The following GRM5 variants were observed in gnomAD, a reference collection of about 807,000 sequenced individuals.
GRM5 encodes glutamate metabotropic receptor 5, also known as metabotropic glutamate receptor 5.
Under a neutral mutation model 83.1 loss-of-function variants are expected in GRM5, and 19 were observed. The ratio of observed to expected loss-of-function variants is 0.23; its 90% confidence interval spans 0.16 to 0.34. GRM5 has a LOEUF of 0.34. Among genes scored for constraint, GRM5 ranks in the 10% least tolerant of loss-of-function variants. The pLI is 1.00. For missense variants in GRM5, 1,160 were observed against 1,588.3 expected (o/e 0.73, Z 4.58); for synonymous variants, 675 against 633.6 (o/e 1.07, Z -0.98).
chr11:88,869,008 T>C (rs1281599765), intron 2 of GRM5, among the ~76,000 whole-genome samples: 1 of 151,760 alleles, frequency 6.6e-6, no homozygotes, highest in East Asian at 1.9e-4. Flanking sequence ...TCTGCTGTTT[T>C]CCTTCCACAC....
At chr11:88,668,295 T>TCG (rs749984270) in intron 3 of GRM5, among the ~76,000 whole-genome samples, 1 of 81,758 alleles carries the variant, frequency 1.2e-5, no homozygotes, top group Non-Finnish European at 2.2e-5. Context: ...CCCCAGAAAC[T>TCG]CGCACACACA....
chr11:89,002,582 C>A (rs1354008873), intron 2 of GRM5, among the ~76,000 whole-genome samples: 1 of 152,120 alleles, frequency 6.6e-6, no homozygotes, highest in Non-Finnish European at 1.5e-5. Context: ...ATGTTATCTG[C>A]AACAAGGGCA....
intron 7 of GRM5, among the ~76,000 whole-genome samples, chr11:88,576,775 AT>A (rs2135186930): frequency 6.6e-6 from 1 of 152,296 alleles, no homozygotes; most frequent in Non-Finnish European, 1.5e-5. Context: ...TTTGTATTTT[AT>A]TGAAATAAAA....
intron 8 of GRM5, among the ~76,000 whole-genome samples, chr11:88,540,446 T>C (rs1942240549): frequency 2.6e-5 from 4 of 152,106 alleles, no homozygotes; most frequent in Non-Finnish European, 5.9e-5. Flanking sequence ...ATGTTTCTTT[T>C]GCCTATATAC....
At chr11:88,555,212 T>C (rs1172175006) in intron 8 of GRM5, among the ~76,000 whole-genome samples, 1 of 152,164 alleles carries the variant, frequency 6.6e-6, no homozygotes, top group Non-Finnish European at 1.5e-5. Context: ...AAGTCCATTG[T>C]TCTCAAAGTG....
chr11:88,681,363 A>G (rs1940482013), intron 3 of GRM5, among the ~76,000 whole-genome samples: 3 of 151,920 alleles, frequency 2.0e-5, no homozygotes, highest in African/African-American at 7.2e-5. Flanking sequence ...TTGCTTTGTT[A>G]AATGCTAACA....
chr11:88,635,755 C>T (rs76062687), intron 4 of GRM5, among the ~76,000 whole-genome samples: 3,797 of 152,218 alleles, frequency 0.025, 148 homozygotes, highest in African/African-American at 0.085. Flanking sequence ...AAAAAATCAT[C>T]GTCCAGGCCA....
intron 4 of GRM5, among the ~76,000 whole-genome samples, chr11:88,616,465 G>A (rs1349871473): frequency 7.2e-6 from 1 of 139,422 alleles, no homozygotes; most frequent in African/African-American, 2.7e-5. Flanking sequence ...TTACTTTGCT[G>A]CATGGAAAAT....
chr11:88,852,134 T>A (rs1331865883), intron 2 of GRM5, among the ~76,000 whole-genome samples: 1 of 152,236 alleles, frequency 6.6e-6, no homozygotes, highest in African/African-American at 2.4e-5. Context: ...TATTTACTTT[T>A]ATTCTCAATA....
At chr11:88,637,055 G>A (rs973347092) in intron 4 of GRM5, among the ~76,000 whole-genome samples, 1 of 151,930 alleles carries the variant, frequency 6.6e-6, no homozygotes, top group Non-Finnish European at 1.5e-5. Flanking sequence ...GGTTCCATAT[G>A]AACTTTAAAG....
At chr11:88,838,704 T>C (rs1944138057) in intron 3 of GRM5, among the ~76,000 whole-genome samples, 1 of 152,172 alleles carries the variant, frequency 6.6e-6, no homozygotes, top group South Asian at 2.1e-4. Flanking sequence ...ACTTTAAAAA[T>C]ATCTTGCATT....
intron 3 of GRM5, among the ~76,000 whole-genome samples, chr11:88,732,386 C>A (rs1396839265): frequency 6.6e-6 from 1 of 151,882 alleles, no homozygotes; most frequent in Non-Finnish European, 1.5e-5. Flanking sequence ...CAAAAAATTG[C>A]AATATTTGAA....
rs139456967 is a variant in GRM5 at position 88,675,045 on chromosome 11, T to A, written c.912-21642A>T. ...TTAATCATCCCTACTATGGTACCAATGTTCACTTCATGTTCACTTAGTCCA... is the reference window on the plus strand; with the variant it reads ...TTAATCATCCCTACTATGGTACCAAAGTTCACTTCATGTTCACTTAGTCCA... On this transcript the variant is annotated intron_variant, in intron 3 of 9. Transcript: ENST00000305447. Among the ~76,000 whole-genome samples the A allele has an allele frequency of 2.6e-5, 4 of 152,092 alleles. No individual in the cohort carries two copies. The East Asian group carries it at 7.7e-4, about 29-fold the overall frequency.
chr11:88,759,400 A>C (rs1318044749), intron 3 of GRM5, among the ~76,000 whole-genome samples: 4 of 152,172 alleles, frequency 2.6e-5, no homozygotes, highest in Non-Finnish European at 5.9e-5. Flanking sequence ...GCAAACAGAA[A>C]ACAGAAAAAA....
chr11:88,684,148 C>T (rs1296905981), intron 3 of GRM5, among the ~76,000 whole-genome samples: 1 of 152,138 alleles, frequency 6.6e-6, no homozygotes, highest in Non-Finnish European at 1.5e-5. Context: ...GAAGGAAGAA[C>T]ATTGCGGCTG....
At chr11:88,710,676 T>C (rs1361403570) in intron 3 of GRM5, among the ~76,000 whole-genome samples, 1 of 151,984 alleles carries the variant, frequency 6.6e-6, no homozygotes, top group Admixed American at 6.6e-5. Context: ...TTGAAAAATA[T>C]TGAGATCTAT....
chr11:88,832,464 G>A (rs961884388), intron 3 of GRM5, among the ~76,000 whole-genome samples: 1 of 152,084 alleles, frequency 6.6e-6, no homozygotes, highest in Non-Finnish European at 1.5e-5. Flanking sequence ...AGAAATTTAA[G>A]AGAACTTAAT....
At chr11:88,854,064 A>ATATATACC (rs1383953179) in intron 2 of GRM5, among the ~76,000 whole-genome samples, 1 of 78,982 alleles carries the variant, frequency 1.3e-5, no homozygotes, top group Non-Finnish European at 3.8e-5. Context: ...TGGTGTATAT[A>ATATATACC]TATATATATA....
rs1310622129 is a variant in GRM5 at position 88,634,558 on chromosome 11, C to T, written c.1147+18610G>A. ...GAGGATCATCAATATCACTGTCTCC[C>T]ACCTCCACATCTCATCCTACCAGAA... On this transcript the variant is annotated intron_variant, in intron 4 of 9. Coordinates refer to ENST00000305447, the MANE Select transcript of GRM5 (RefSeq NM_001143831.3). 2.6e-4 allele frequency among the ~76,000 whole-genome samples: 39 copies of T among 152,056 alleles called. 1 individual carries two copies. The highest frequency in any genetic ancestry group is 1.5e-5 in the Non-Finnish European group (1 of 68,018).
Sources: allele counts gnomAD v4.1 joint callset (sites outside exome capture counted in the v4.1 genomes callset), GRCh38; gene constraint gnomAD v4.1.1; transcripts MANE v1.5; gene names NCBI Gene and HGNC (gene_info 2026-07-23, HGNC 2026-07-21).